NEUROD2: variants seen among roughly 807,000 people sequenced by gnomAD.
NEUROD2 encodes the protein neurogenic differentiation factor 2.
NEUROD2 carries 5 observed loss-of-function variants against 9.3 expected under a neutral mutation model. That is an observed-to-expected ratio of 0.54 (90% CI 0.28 to 1.13). The LOEUF is 1.13. Ranked by LOEUF, NEUROD2 falls within the 50% of genes most tolerant of loss-of-function variation. The pLI is 0.10. For synonymous variants in NEUROD2, 277 were observed against 257.3 expected, an observed-to-expected ratio of 1.08 and a Z score of -0.73; for missense variants, 376 against 549.2, an observed-to-expected ratio of 0.68 and a Z score of 3.15.
chr17:39,606,311 C>G lies in NEUROD2; in HGVS notation c.289G>C (p.Glu97Gln). 1 of 1,603,580 alleles carries G rather than the reference C, an allele frequency of 6.2e-7. No individual in the cohort carries two copies. The change falls in exon 2 of 2, where the codon GAG becomes CAG. Residue 97 changes from glutamate (E) to glutamine (Q), a missense_variant. Glu to Gln is a conservative substitution (Grantham distance 29, BLOSUM62 2). Around this residue, in one of 3 missense-constraint regions of NEUROD2, gnomAD observed 49 missense variants for 159.8 expected, o/e 0.31. Transcript: ENST00000302584. The surrounding 1 kb of genome is among the most constrained non-coding windows in gnomAD (Gnocchi z 7.8). ...EEEEEGLDEA[E>Q]GERPKKRGPK... ...CCGCGCTTCTTGGGCCGCTCGCCCTCCGCCTCGTCCAGTCCTTCTTCCTCC... is the reference window on the plus strand; with the variant it reads ...CCGCGCTTCTTGGGCCGCTCGCCCTGCGCCTCGTCCAGTCCTTCTTCCTCC...
At position 39,605,809 on chromosome 17, in the gene NEUROD2, G is replaced by T; in HGVS notation, c.791C>A (p.Ala264Asp). ...AGGLGGGAAH[A>D]LRTHGYCAAY... is the part of the protein sequence containing the mutation. ...GGCGCAGTAGCCGTGGGTCCGCAGG[G>T]CGTGCGCCGCGCCGCCGCCCAGGCC... The change falls in exon 2 of 2, where the codon GCC (alanine) becomes GAC (aspartate). Residue 264 changes from alanine (A) to aspartate (D), a missense_variant. By Grantham distance (126) the Ala-to-Asp change is moderately radical (BLOSUM62 -2). This residue lies in a region of NEUROD2 where 193 missense variants were observed against 255.8 expected (regional missense o/e 0.75). Coordinates refer to ENST00000302584, the MANE Select transcript of NEUROD2 (RefSeq NM_006160.4). This position sits in a 1 kb window ranked among gnomAD's most constrained non-coding sequence, Gnocchi z 6.8. 7.3e-7 allele frequency: 1 copy of T among 1,368,598 alleles called. No individual in the cohort carries two copies. The highest frequency in any genetic ancestry group is 9.4e-7 in the Non-Finnish European group (1 of 1,068,058). The allele number at this position is 1,368,598 out of a possible 1,614,324, so 84.8% of individuals were successfully genotyped here. A position where few individuals can be genotyped will look rare whatever the true frequency, so the allele number is the denominator to read the frequency against.
rs2056757247 is a variant in NEUROD2, at chr17:39,604,387, C to T, written c.*1064G>A. 1 of 152,730 alleles carries T rather than the reference C, an allele frequency of 6.5e-6. No homozygotes were observed. The highest frequency in any genetic ancestry group is 6.5e-5 in the Admixed American group (1 of 15,278). 9.5% of individuals were successfully genotyped at this position (152,730 alleles called of 1,614,324 possible). A position where few individuals can be genotyped will look rare whatever the true frequency, so the allele number is the denominator to read the frequency against. On this transcript the variant is annotated 3_prime_UTR_variant, in exon 2 of 2. Transcript: ENST00000302584. ...TTGGAAACAGGTTTTTAAAAAACAG[C>T]ATGACGCACAACGGGGACGGGGCGG... is the stretch of plus-strand genomic sequence containing the variant.
Position 39,605,513 on chromosome 17 carries a change from T to C in NEUROD2, c.1087A>G (p.Met363Val). Residue 363 changes from methionine to valine, a missense_variant, in exon 2 of 2, where the codon ATG (methionine) becomes GTG (valine). Around this residue, in one of 3 missense-constraint regions of NEUROD2, gnomAD observed 193 missense variants for 255.8 expected, o/e 0.75. Transcript: ENST00000302584. The surrounding 1 kb of genome is among the most constrained non-coding windows in gnomAD (Gnocchi z 6.8). ...GGGCCCCGGTCGTGGTGAAGGTGCA[T>C]ATCGTAAGACAAGAGATTCTCCGAG... ...VHSENLLSYD[M>V]HLHHDRGPMY... 1 of 1,612,778 alleles carries C rather than the reference T, an allele frequency of 6.2e-7. No homozygotes were observed. The highest frequency in any genetic ancestry group is 8.5e-7 in the Non-Finnish European group (1 of 1,179,412).
Position 39,606,823 on chromosome 17 carries a change from G to T in NEUROD2, c.-5-219C>A. The stretch of plus-strand genomic sequence containing the variant: ...GGATCTCGGCCCAGGCCCTCTCCCC[G>T]GCGCTGGGCCCCGGCTCCGCCCCTC... On this transcript the variant is annotated intron_variant, in intron 1 of 1. Transcript: ENST00000302584. This position sits in a 1 kb window ranked among gnomAD's most constrained non-coding sequence, Gnocchi z 7.8. 1 of 493,442 alleles carries T rather than the reference G, an allele frequency of 2.0e-6. No individual in the cohort carries two copies. Among genetic ancestry groups the T allele is most frequent in the Non-Finnish European group, 3.5e-6 (1 of 285,268 alleles). The allele number at this position is 493,442 out of a possible 1,614,324, so 30.6% of individuals were successfully genotyped here.
Position 39,605,656 on chromosome 17 carries a change from G to T in NEUROD2, c.944C>A (p.Ser315Tyr), listed in dbSNP as rs144499802. ...LNGNFSLKQD[S>Y]SPDHEKSYHY... ...GTAGCTTTTCTCGTGGTCGGGCGAGGAGTCCTGCTTGAGTGAGAAGTTGCC... is the reference window on the plus strand; with the variant it reads ...GTAGCTTTTCTCGTGGTCGGGCGAGTAGTCCTGCTTGAGTGAGAAGTTGCC... The change falls in exon 2 of 2, where the codon TCC becomes TAC. Residue 315 changes from serine to tyrosine, a missense_variant. Coordinates refer to ENST00000302584, the MANE Select transcript of NEUROD2 (RefSeq NM_006160.4). This position sits in a 1 kb window ranked among gnomAD's most constrained non-coding sequence, Gnocchi z 6.8. 1 of 1,612,782 alleles carries T rather than the reference G, an allele frequency of 6.2e-7. No homozygotes were observed. The highest frequency in any genetic ancestry group is 8.5e-7 in the Non-Finnish European group (1 of 1,179,550).
In NEUROD2 at chr17:39,605,916, G is replaced by C. The variant is rs1290235041; in HGVS notation, c.684C>G (p.His228Gln). Residue 228 changes from histidine (H) to glutamine (Q), a missense_variant, in exon 2 of 2, where the codon CAC (histidine) becomes CAG (glutamine). Coordinates refer to ENST00000302584, the MANE Select transcript of NEUROD2 (RefSeq NM_006160.4). This position sits in a 1 kb window ranked among gnomAD's most constrained non-coding sequence, Gnocchi z 6.8. ...GCATGGCGAACGGGCCGCCCGAGCC[G>C]TGGAAGCGGCCGGCACCGTCGGCGC... ...EQGADGAGRF[H>Q]GSGGPFAMHP... 6.8e-6 allele frequency: 11 copies of C among 1,609,236 alleles called. No individual in the cohort carries two copies. The highest frequency in any genetic ancestry group is 8.5e-6 in the Non-Finnish European group (10 of 1,178,618).
rs1181613507 is a variant in NEUROD2 at position 39,606,501 on chromosome 17, C to T, written c.99G>A (p.Lys33=). Residue 33 remains lysine (K), a synonymous_variant, in exon 2 of 2, where the codon AAG becomes AAA. Coordinates refer to ENST00000302584, the MANE Select transcript of NEUROD2 (RefSeq NM_006160.4). This position sits in a 1 kb window ranked among gnomAD's most constrained non-coding sequence, Gnocchi z 7.8. The stretch of plus-strand genomic sequence containing the variant: ...GCGGTGGCGGTGGCGGCGCGTCGCC[C>T]TTGTCGCTCCTCGGCTCGTCGTCTT... ...DGEDDEPRSD[K]GDAPPPPPPA... The T allele has an allele frequency of 1.9e-6, 3 of 1,554,988 alleles. No homozygotes were observed. Among genetic ancestry groups the T allele is most frequent in the Non-Finnish European group, 2.6e-6 (3 of 1,157,868 alleles).
rs757409720 is a variant in NEUROD2, at chr17:39,605,764, G to T, written c.836C>A (p.Ala279Glu). The T allele has an allele frequency of 1.2e-5, 18 of 1,477,126 alleles. No homozygotes were observed. Among genetic ancestry groups the T allele is most frequent in the Non-Finnish European group, 1.6e-5 (18 of 1,115,436 alleles). The allele number at this position is 1,477,126 out of a possible 1,614,324, so 91.5% of individuals were successfully genotyped here. The stretch of plus-strand genomic sequence containing the variant: ...GCTCGCGCCGCCACCGCCTGCCGCC[G>T]CATACAGCGTCTCGTAGGCGGCGCA... ...GYCAAYETLY[A>E]AAGGGGASPD... Residue 279 changes from alanine to glutamate, a missense_variant, in exon 2 of 2, where the codon GCG (alanine) becomes GAG (glutamate). Ala to Glu is a moderately radical substitution (Grantham distance 107). Transcript: ENST00000302584. This position sits in a 1 kb window ranked among gnomAD's most constrained non-coding sequence, Gnocchi z 6.8.
Position 39,605,916 on chromosome 17 carries a change from G to A in NEUROD2, c.684C>T (p.His228=). ...GCATGGCGAACGGGCCGCCCGAGCC[G>A]TGGAAGCGGCCGGCACCGTCGGCGC... ...EQGADGAGRF[H]GSGGPFAMHP... is the part of the protein sequence containing the mutation. The change falls in exon 2 of 2, where the codon CAC becomes CAT. Residue 228 remains histidine (H), a synonymous_variant. Transcript: ENST00000302584. The surrounding 1 kb of genome is among the most constrained non-coding windows in gnomAD (Gnocchi z 6.8). 1.2e-6 allele frequency: 2 copies of A among 1,609,354 alleles called. No individual in the cohort carries two copies. The highest frequency in any genetic ancestry group is 1.7e-6 in the Non-Finnish European group (2 of 1,178,610).
Position 39,606,460 on chromosome 17 carries a change from C to T in NEUROD2, c.140G>A (p.Gly47Glu). The change falls in exon 2 of 2, where the codon GGG becomes GAG. Residue 47 changes from glycine (G) to glutamate (E), a missense_variant. Physicochemically the swap from Gly to Glu is moderately conservative, Grantham distance 98 (BLOSUM62 -2). This residue lies in a region of NEUROD2 where 134 missense variants were observed against 133.6 expected (regional missense o/e 1.00). Coordinates refer to ENST00000302584, the MANE Select transcript of NEUROD2 (RefSeq NM_006160.4). The surrounding 1 kb of genome is among the most constrained non-coding windows in gnomAD (Gnocchi z 7.8). ...GGCCGCCCGGGCTGGCCCCGGAGCC[C>T]CTGGCCCGGGCGCAGGCGGTGGCGG... ...PPPPPPAPGP[G>E]APGPARAAKP... 2.0e-6 allele frequency: 3 copies of T among 1,531,478 alleles called. No individual in the cohort carries two copies. The highest frequency in any genetic ancestry group is 2.6e-6 in the Non-Finnish European group (3 of 1,144,504). 94.9% of individuals were successfully genotyped at this position (1,531,478 alleles called of 1,614,324 possible).
Position 39,606,343 on chromosome 17 carries a change from T to TCCTCCTCCTCCTCTC in NEUROD2, c.242_256dup (p.Gly81_Glu85dup). The TCCTCCTCCTCCTCTC allele has an allele frequency of 6.4e-7, 1 of 1,566,510 alleles. No homozygotes were observed. Among genetic ancestry groups the TCCTCCTCCTCCTCTC allele is most frequent in the Non-Finnish European group, 8.6e-7 (1 of 1,158,744 alleles). ...GTCCAGTCCTTCTTCCTCCTCCTCT[T>TCCTCCTCCTCCTCTC]CCTCCTCCTCCTCTCCCCCCAGCTC... On this transcript the variant is annotated inframe_insertion, in exon 2 of 2. Transcript: ENST00000302584. The surrounding 1 kb of genome is among the most constrained non-coding windows in gnomAD (Gnocchi z 7.8).
chr17:39,605,768 A>G lies in NEUROD2; in HGVS notation c.832T>C (p.Tyr278His). The change falls in exon 2 of 2, where the codon TAT becomes CAT. Residue 278 changes from tyrosine (Y) to histidine (H), a missense_variant. Tyr to His is a moderately conservative substitution (Grantham distance 83, BLOSUM62 2). Coordinates refer to ENST00000302584, the MANE Select transcript of NEUROD2 (RefSeq NM_006160.4). The surrounding 1 kb of genome is among the most constrained non-coding windows in gnomAD (Gnocchi z 6.8). ...GCGCCGCCACCGCCTGCCGCCGCAT[A>G]CAGCGTCTCGTAGGCGGCGCAGTAG... is the stretch of plus-strand genomic sequence containing the variant. ...HGYCAAYETL[Y>H]AAAGGGGASP... 4.8e-6 allele frequency: 7 copies of G among 1,472,442 alleles called. No homozygotes were observed. Among genetic ancestry groups the G allele is most frequent in the Non-Finnish European group, 6.3e-6 (7 of 1,113,384 alleles). 91.2% of individuals were successfully genotyped at this position (1,472,442 alleles called of 1,614,324 possible). A position where few individuals can be genotyped will look rare whatever the true frequency, so the allele number is the denominator to read the frequency against.
rs776148913 is a variant in NEUROD2 at position 39,605,707 on chromosome 17, G to A, written c.893C>T (p.Pro298Leu). 1 of 1,603,226 alleles carries A rather than the reference G, an allele frequency of 6.2e-7. No individual in the cohort carries two copies. Among genetic ancestry groups the A allele is most frequent in the South Asian group, 1.1e-5 (1 of 89,588 alleles). ...ATTGAGACAGAGCGGGGGGCTGAGC[G>A]GGCCCTCGTACTCGGAGCTGTTGTA... ...PDYNSSEYEG[P>L]LSPPLCLNGN... The change falls in exon 2 of 2, where the codon CCG becomes CTG. Residue 298 changes from proline (P) to leucine (L), a missense_variant. Transcript: ENST00000302584. The surrounding 1 kb of genome is among the most constrained non-coding windows in gnomAD (Gnocchi z 6.8).
At position 39,606,086 on chromosome 17, in the gene NEUROD2, C is replaced by A; in HGVS notation, c.514G>T (p.Ala172Ser). 1 of 1,614,096 alleles carries A rather than the reference C, an allele frequency of 6.2e-7. No individual in the cohort carries two copies. Among genetic ancestry groups the A allele is most frequent in the Non-Finnish European group, 8.5e-7 (1 of 1,179,966 alleles). ...TLRLAKNYIW[A>S]LSEILRSGKR... The stretch of plus-strand genomic sequence containing the variant: ...CCGGAGCGCAGGATCTCCGAGAGCG[C>A]CCAGATATAGTTCTTGGCTAGGCGC... The change falls in exon 2 of 2, where the codon GCG becomes TCG. Residue 172 changes from alanine to serine, a missense_variant. By Grantham distance (99) the Ala-to-Ser change is moderately conservative. Around this residue, in one of 3 missense-constraint regions of NEUROD2, gnomAD observed 49 missense variants for 159.8 expected, o/e 0.31. Transcript: ENST00000302584. This position sits in a 1 kb window ranked among gnomAD's most constrained non-coding sequence, Gnocchi z 7.8.
Position 39,606,343 on chromosome 17 carries a change from T to C in NEUROD2, c.257A>G (p.Glu86Gly). ...EGELGGEEEE[E>G]EEEEEGLDEA... The stretch of plus-strand genomic sequence containing the variant: ...GTCCAGTCCTTCTTCCTCCTCCTCT[T>C]CCTCCTCCTCCTCTCCCCCCAGCTC... Residue 86 changes from glutamate to glycine, a missense_variant, in exon 2 of 2, where the codon GAA (glutamate) becomes GGA (glycine). Physicochemically the swap from Glu to Gly is moderately conservative, Grantham distance 98 (BLOSUM62 -2). Around this residue, in one of 3 missense-constraint regions of NEUROD2, gnomAD observed 134 missense variants for 133.6 expected, o/e 1.00. Transcript: ENST00000302584. The surrounding 1 kb of genome is among the most constrained non-coding windows in gnomAD (Gnocchi z 7.8). The C allele has an allele frequency of 6.4e-7, 1 of 1,566,510 alleles. No homozygotes were observed. The highest frequency in any genetic ancestry group is 8.6e-7 in the Non-Finnish European group (1 of 1,158,744).
chr17:39,606,634 G>C lies in NEUROD2; in HGVS notation c.-5-30C>G, dbSNP rs766173387. 4 of 1,517,930 alleles carry C rather than the reference G, an allele frequency of 2.6e-6. No individual in the cohort carries two copies. The highest frequency in any genetic ancestry group is 3.5e-6 in the Non-Finnish European group (4 of 1,143,530). 94.0% of individuals were successfully genotyped at this position (1,517,930 alleles called of 1,614,324 possible). ...GGGCGCCCCGCGGGCGGGAAGGGGAGACAGACAGCACAAAGTGAGGGGCGC... is the reference window on the plus strand; with the variant it reads ...GGGCGCCCCGCGGGCGGGAAGGGGACACAGACAGCACAAAGTGAGGGGCGC... On this transcript the variant is annotated intron_variant, in intron 1 of 1. Transcript: ENST00000302584. This position sits in a 1 kb window ranked among gnomAD's most constrained non-coding sequence, Gnocchi z 7.8.
rs1318286936 is a variant in NEUROD2, at chr17:39,604,442, C to T, written c.*1009G>A. The T allele has an allele frequency of 2.0e-5, 3 of 152,472 alleles. No homozygotes were observed. In the East Asian group the frequency reaches 5.7e-4, roughly 29 times the overall value. The allele number at this position is 152,472 out of a possible 1,614,324, so 9.4% of individuals were successfully genotyped here. ...GGGCAGTGGCACTGGGGCCCCAAAT[C>T]TCCGAGTCACTGATTGTAAGAACCT... On this transcript the variant is annotated 3_prime_UTR_variant, in exon 2 of 2. Transcript: ENST00000302584.
rs1391167531 is a variant in NEUROD2 at position 39,606,369 on chromosome 17, G to T, written c.231C>A (p.Gly77=). ...CCTCCTCCTCCTCTCCCCCCAGCTC[G>T]CCTTCCTCCTTGACCTCGGCCAACG... The part of the protein sequence containing the change: ...EATLAEVKEE[G]ELGGEEEEEE... Residue 77 remains glycine, a synonymous_variant, in exon 2 of 2, where the codon GGC becomes GGA. Transcript: ENST00000302584. This position sits in a 1 kb window ranked among gnomAD's most constrained non-coding sequence, Gnocchi z 7.8. The T allele has an allele frequency of 6.4e-7, 1 of 1,566,548 alleles. No individual in the cohort carries two copies. Among genetic ancestry groups the T allele is most frequent in the South Asian group, 1.2e-5 (1 of 86,230 alleles).
chr17:39,606,336 C>T lies in NEUROD2; in HGVS notation c.264G>A (p.Glu88=), dbSNP rs751549827. 2.5e-6 allele frequency: 4 copies of T among 1,589,206 alleles called. No homozygotes were observed. The highest frequency in any genetic ancestry group is 3.5e-5 in the Admixed American group (2 of 57,202). ...ELGGEEEEEE[E]EEEGLDEAEG... is the part of the protein sequence containing the mutation. ...CCGCCTCGTCCAGTCCTTCTTCCTC[C>T]TCCTCTTCCTCCTCCTCCTCTCCCC... is the stretch of plus-strand genomic sequence containing the variant. Residue 88 remains glutamate, a synonymous_variant, in exon 2 of 2, where the codon GAG becomes GAA. Coordinates refer to ENST00000302584, the MANE Select transcript of NEUROD2 (RefSeq NM_006160.4). The surrounding 1 kb of genome is among the most constrained non-coding windows in gnomAD (Gnocchi z 7.8).
Sources: gnomAD v4.1 joint callset for allele counts on GRCh38, gnomAD v4.1.1 for gene constraint, gnomAD v4.1.1 regional missense constraint, Gnocchi (gnomAD v3.1) non-coding constraint, MANE v1.5 for transcripts, NCBI Gene and HGNC (gene_info 2026-07-23, HGNC 2026-07-21) for gene names.